FSTL4: variants seen among roughly 807,000 people sequenced by gnomAD.
FSTL4 encodes the protein follistatin like 4, also known as follistatin-related protein 4.
In FSTL4, 28 loss-of-function variants were observed where a neutral mutation model predicts 78.2. That is an observed-to-expected ratio of 0.36 (90% CI 0.27 to 0.49). FSTL4 has a LOEUF of 0.49. Among genes scored for constraint, FSTL4 ranks in the 20% least tolerant of loss-of-function variants. FSTL4 has a pLI of 0.98. For synonymous variants in FSTL4, 422 were observed against 440.5 expected, an observed-to-expected ratio of 0.96 and a Z score of 0.53; for missense variants, 922 against 1,084.9, an observed-to-expected ratio of 0.85 and a Z score of 2.11.
the FSTL4 span, among the ~76,000 whole-genome samples, chr5:133,770,067 G>GGT: frequency 6.6e-6 from 1 of 151,712 alleles, no homozygotes; most frequent in Non-Finnish European, 1.5e-5. Context: ...TATTCCGTGG[G>GGT]GTGTGTGTGG....
intron 3 of FSTL4, among the ~76,000 whole-genome samples, chr5:133,410,328 C>T (rs565389006): frequency 6.6e-6 from 1 of 152,304 alleles, no homozygotes; most frequent in East Asian, 1.9e-4. Flanking sequence ...AGGTACTTAG[C>T]TCCTTTGTCA....
At chr5:133,318,489 G>A (rs766121439) in intron 4 of FSTL4, among the ~76,000 whole-genome samples, 1 of 152,236 alleles carries the variant, frequency 6.6e-6, no homozygotes, top group Non-Finnish European at 1.5e-5. Context: ...GACCAGAAGT[G>A]GGGGTACAGA....
chr5:133,238,274 C>A (rs1165664217), intron 7 of FSTL4, among the ~76,000 whole-genome samples: 1 of 152,186 alleles, frequency 6.6e-6, no homozygotes, highest in African/African-American at 2.4e-5. Context: ...TTATTCAGAG[C>A]TTTTCCGACA....
chr5:133,751,770 G>A, the FSTL4 span, among the ~76,000 whole-genome samples: 1 of 152,214 alleles, frequency 6.6e-6, no homozygotes, highest in Non-Finnish European at 1.5e-5. Context: ...AATGCTTTTG[G>A]GAGGTGCAAC....
chr5:133,825,870 CT>C, the FSTL4 span, among the ~76,000 whole-genome samples: 2 of 152,254 alleles, frequency 1.3e-5, no homozygotes, highest in Non-Finnish European at 2.9e-5. Context: ...CTGTCTCCCC[CT>C]GTGCTCAGCT....
chr5:133,199,449 C>G lies in FSTL4; in HGVS notation c.2175G>C (p.Leu725=). The part of the protein sequence containing the change: ...EITVRGEIQT[L]YDLQINSGIS... ...TGCCCGAGTTTATTTGCAGGTCATA[C>G]AGGGTCTGGATCTCGCCCCGCACTG... Residue 725 remains leucine (L), a synonymous_variant, in exon 16 of 16, where the codon CTG becomes CTC. Coordinates refer to ENST00000265342, the MANE Select transcript of FSTL4 (RefSeq NM_015082.2). The surrounding 1 kb of genome is among the most constrained non-coding windows in gnomAD (Gnocchi z 4.4). 1.2e-6 allele frequency: 2 copies of G among 1,614,206 alleles called. No homozygotes were observed. The highest frequency in any genetic ancestry group is 2.2e-5 in the South Asian group (2 of 91,086).
At chr5:133,513,828 T>C (rs1438554849) in intron 3 of FSTL4, among the ~76,000 whole-genome samples, 1 of 152,110 alleles carries the variant, frequency 6.6e-6, no homozygotes, top group Non-Finnish European at 1.5e-5. Flanking sequence ...CTGAGAATGA[T>C]CTACTTTAGA....
chr5:133,737,138 C>T, the FSTL4 span, among the ~76,000 whole-genome samples: 1 of 151,942 alleles, frequency 6.6e-6, no homozygotes, highest in South Asian at 2.1e-4. Flanking sequence ...ACCATAGTCA[C>T]CCTATTATGC....
At chr5:133,652,847 A>T in the FSTL4 span, among the ~76,000 whole-genome samples, 1 of 152,180 alleles carries the variant, frequency 6.6e-6, no homozygotes. Context: ...AAATGTGACA[A>T]AGAGATGATC....
At chr5:133,820,347 C>T in the FSTL4 span, among the ~76,000 whole-genome samples, 3 of 152,200 alleles carry the variant, frequency 2.0e-5, no homozygotes, top group South Asian at 2.1e-4. Flanking sequence ...ACATTTGTGA[C>T]GTTTATGGAA....
intron 5 of FSTL4, among the ~76,000 whole-genome samples, chr5:133,313,554 T>C (rs1753838236): frequency 6.6e-6 from 1 of 152,008 alleles, no homozygotes; most frequent in Non-Finnish European, 1.5e-5. Context: ...GCCAGTGTGC[T>C]CGGAACTGAA....
intron 6 of FSTL4, among the ~76,000 whole-genome samples, chr5:133,298,232 A>G (rs796343184): frequency 7.9e-5 from 12 of 152,382 alleles, no homozygotes; most frequent in African/African-American, 2.9e-4. Context: ...AGCATCAACT[A>G]TGAATGCTGT....
intron 4 of FSTL4, among the ~76,000 whole-genome samples, chr5:133,325,937 T>C (rs1430219253): frequency 2.0e-5 from 3 of 152,230 alleles, no homozygotes; most frequent in African/African-American, 7.2e-5. Flanking sequence ...AAAGCTTCGA[T>C]CTTCACCACC....
chr5:133,835,658 C>A, the FSTL4 span, among the ~76,000 whole-genome samples: 1 of 152,118 alleles, frequency 6.6e-6, no homozygotes, highest in East Asian at 1.9e-4. Flanking sequence ...AAAATGCCTG[C>A]CCTGCTATTA....
intron 4 of FSTL4, among the ~76,000 whole-genome samples, chr5:133,353,302 A>C (rs1754870084): frequency 6.6e-6 from 1 of 152,228 alleles, no homozygotes; most frequent in Admixed American, 6.5e-5. Flanking sequence ...GCACTGTGAA[A>C]AGTTCTTTTC....
In FSTL4 at chr5:133,217,225, G is replaced by A. The variant is rs370033669; in HGVS notation, c.1608+4C>T. 249 of 1,612,464 alleles carry A rather than the reference G, an allele frequency of 1.5e-4. No homozygotes were observed. The highest frequency in any genetic ancestry group is 1.5e-3 in the Middle Eastern group (9 of 6,076). On this transcript the variant is annotated splice_donor_region_variant and intron_variant, in intron 13 of 15. Coordinates refer to ENST00000265342, the MANE Select transcript of FSTL4 (RefSeq NM_015082.2). ...GTTTTCCTCACTCCATTAAAGAGGT[G>A]TACCTGTAGGACTTTCTGGGCTTGG...
the FSTL4 span, among the ~76,000 whole-genome samples, chr5:133,765,514 C>A: frequency 8.5e-5 from 13 of 152,196 alleles, no homozygotes; most frequent in Non-Finnish European, 1.6e-4. Context: ...GACTACTGAC[C>A]AGCTGTGACC....
At chr5:133,636,657 T>C in the FSTL4 span, among the ~76,000 whole-genome samples, 2 of 152,176 alleles carry the variant, frequency 1.3e-5, no homozygotes, top group African/African-American at 2.4e-5. Context: ...ATATGTAAAT[T>C]ACTCATTTAG....
chr5:133,327,234 T>A (rs1296449781), intron 4 of FSTL4, among the ~76,000 whole-genome samples: 1 of 152,192 alleles, frequency 6.6e-6, no homozygotes, highest in Non-Finnish European at 1.5e-5. Context: ...CGCAACGGTA[T>A]GGGAGAGCTG....
Sources: allele counts gnomAD v4.1 joint callset (sites outside exome capture counted in the v4.1 genomes callset), GRCh38; gene constraint gnomAD v4.1.1; non-coding constraint Gnocchi (gnomAD v3.1); transcripts MANE v1.5; gene names NCBI Gene and HGNC (gene_info 2026-07-23, HGNC 2026-07-21).